Variants in SAXO1 observed in about 807,000 individuals in gnomAD.
SAXO1 encodes the protein stabilizer of axonemal microtubules 1, also known as 4930500O09Rik.
In SAXO1, 21 loss-of-function variants were observed where a neutral mutation model predicts 17.5. The ratio of observed to expected loss-of-function variants is 1.20; its 90% CI spans 0.85 to 1.72. The LOEUF is 1.72. Ranked by LOEUF, SAXO1 falls within the 40% of genes most tolerant of loss-of-function variation. The pLI is 0.00. For synonymous variants in SAXO1, 274 were observed against 216.5 expected (o/e 1.27, Z -2.33); for missense variants, 843 against 596.0 (o/e 1.41, Z -4.32).
chr9:19,028,452 T>C (rs556732899), intron 1 of SAXO1, among the ~76,000 whole-genome samples: 140 of 152,288 alleles, frequency 9.2e-4, no homozygotes, highest in Non-Finnish European at 1.6e-3. Context: ...TCAGATGCAA[T>C]TGGAAACATT....
intron 1 of SAXO1, among the ~76,000 whole-genome samples, chr9:18,984,932 G>A (rs987120013): frequency 3.9e-5 from 6 of 152,140 alleles, no homozygotes; most frequent in Admixed American, 2.0e-4. Context: ...TTGATTTAAA[G>A]TGATAGAGGT....
chr9:18,935,526 C>A (rs530355869), intron 3 of SAXO1, among the ~76,000 whole-genome samples: 1 of 152,286 alleles, frequency 6.6e-6, no homozygotes, highest in Non-Finnish European at 1.5e-5. Context: ...GCACAGCCTT[C>A]CAGACTACTC....
At chr9:19,041,523 T>G (rs1374882913) in intron 1 of SAXO1, among the ~76,000 whole-genome samples, 4 of 152,140 alleles carry the variant, frequency 2.6e-5, no homozygotes, top group African/African-American at 9.7e-5. Context: ...ATTGGAGGAA[T>G]CACATTACCT....
intron 1 of SAXO1, among the ~76,000 whole-genome samples, chr9:18,980,575 A>C (rs1288588952): frequency 4.9e-5 from 7 of 143,236 alleles, no homozygotes; most frequent in African/African-American, 1.9e-4. Context: ...GAGGAGGAGG[A>C]GGAGGAGGAG....
At chr9:18,963,805 C>G (rs1395092284) in intron 1 of SAXO1, among the ~76,000 whole-genome samples, 1 of 152,154 alleles carries the variant, frequency 6.6e-6, no homozygotes, top group African/African-American at 2.4e-5. Context: ...CCTGATTGCC[C>G]TGGCCAGAAT....
At chr9:18,947,632 A>G (rs1831852693) in intron 2 of SAXO1, 1 of 152,210 alleles carries the variant, frequency 6.6e-6, no homozygotes, top group Admixed American at 6.5e-5. Flanking sequence ...CAAGTGTTTT[A>G]CATGGTGACA....
chr9:19,015,642 C>CTT (rs1563982784), intron 1 of SAXO1, among the ~76,000 whole-genome samples: 2 of 113,096 alleles, frequency 1.8e-5, no homozygotes, highest in African/African-American at 2.8e-5. Context: ...CACGCCTGGC[C>CTT]CTTTTTTTTT....
At chr9:19,033,763 G>A (rs760622036), upstream of SAXO1, among the ~76,000 whole-genome samples, 13 of 152,324 alleles carry the variant, frequency 8.5e-5, no homozygotes, top group South Asian at 2.3e-3. Context: ...TTGGCATCAG[G>A]ACCACCTGGC....
chr9:19,027,784 G>A (rs1242856564), intron 1 of SAXO1: 6 of 1,508,832 alleles, frequency 4.0e-6, no homozygotes, highest in Admixed American at 2.0e-5. Context: ...TGAACCAGCT[G>A]GATGGCTTCC....
At chr9:19,025,444 G>A (rs562682220) in intron 1 of SAXO1, among the ~76,000 whole-genome samples, 2 of 152,084 alleles carry the variant, frequency 1.3e-5, no homozygotes, top group Admixed American at 6.5e-5. Flanking sequence ...CCATCGATAT[G>A]AAGAAAATAT....
chr9:18,955,145 A>G (rs955502556), intron 1 of SAXO1, among the ~76,000 whole-genome samples: 1 of 152,198 alleles, frequency 6.6e-6, no homozygotes, highest in Non-Finnish European at 1.5e-5. Flanking sequence ...GTAGTGTGCT[A>G]TGATCTTGTC....
chr9:18,966,061 A>C (rs10116663), intron 1 of SAXO1, among the ~76,000 whole-genome samples: 12,400 of 152,200 alleles, frequency 0.081, 735 homozygotes, highest in African/African-American at 0.18. Flanking sequence ...TAAGAATGTT[A>C]AATACTGGCC....
At chr9:19,009,019 T>C (rs1199512682) in intron 1 of SAXO1, among the ~76,000 whole-genome samples, 1 of 152,208 alleles carries the variant, frequency 6.6e-6, no homozygotes, top group Non-Finnish European at 1.5e-5. Flanking sequence ...TGCAGCAAAC[T>C]ATTATTTCCA....
rs543841757 is a variant in SAXO1 at position 18,983,709 on chromosome 9, C to G, written c.39-32772G>C. The stretch of plus-strand genomic sequence containing the variant: ...CTGCAGTGACTTCCTCTACTGAGGT[C>G]TCAAAGCCCTCAAAGTCATCCAAAA... On this transcript the variant is annotated intron_variant, in intron 1 of 3. Coordinates refer to ENST00000380534, the MANE Select transcript of SAXO1 (RefSeq NM_153707.4). Among the ~76,000 whole-genome samples the G allele has an allele frequency of 1.6e-3, 242 of 152,300 alleles. 1 individual carries two copies. The highest frequency in any genetic ancestry group is 3.0e-3 in the Non-Finnish European group (202 of 68,032).
chr9:18,948,793 T>C (rs1588425978), intron 2 of SAXO1, among the ~76,000 whole-genome samples: 1 of 152,194 alleles, frequency 6.6e-6, no homozygotes, highest in East Asian at 1.9e-4. Flanking sequence ...TCCCTGTCTA[T>C]ACTTTCAGGA....
chr9:18,993,844 G>C (rs1019808686), intron 1 of SAXO1, among the ~76,000 whole-genome samples: 2 of 152,140 alleles, frequency 1.3e-5, no homozygotes, highest in Non-Finnish European at 2.9e-5. Context: ...AAGAGAAGCA[G>C]CTAAAACTTG....
chr9:18,962,190 C>A (rs1189574202), intron 1 of SAXO1, among the ~76,000 whole-genome samples: 1 of 152,176 alleles, frequency 6.6e-6, no homozygotes, highest in Non-Finnish European at 1.5e-5. Context: ...GCCTCAGCCT[C>A]CTAAGTAGCT....
At chr9:18,961,387 G>A (rs1189498963) in intron 1 of SAXO1, among the ~76,000 whole-genome samples, 2 of 152,138 alleles carry the variant, frequency 1.3e-5, no homozygotes, top group Non-Finnish European at 2.9e-5. Context: ...TGTGCAGAAC[G>A]TGCAGGTTTG....
At chr9:19,031,754 CTGAGAG>C (rs1554683706) in intron 1 of SAXO1, among the ~76,000 whole-genome samples, 1 of 152,146 alleles carries the variant, frequency 6.6e-6, no homozygotes, top group South Asian at 2.1e-4. Context: ...AGGGCCCACT[CTGAGAG>C]TATCAATTCA....
Sources: gnomAD v4.1 joint callset for allele counts (sites outside exome capture counted in the v4.1 genomes callset) on GRCh38, gnomAD v4.1.1 for gene constraint, MANE v1.5 for transcripts, NCBI Gene and HGNC (gene_info 2026-07-23, HGNC 2026-07-21) for gene names.